KHDRBS2: variants seen among roughly 807,000 people sequenced by gnomAD.
KHDRBS2 encodes KH RNA binding domain containing, signal transduction associated 2, also known as KH domain-containing, RNA-binding, signal transduction-associated protein 2.
A neutral mutation model predicts 44.3 loss-of-function variants in KHDRBS2; 26 were observed. The observed-to-expected ratio is 0.59, with a 90% CI of 0.43 to 0.81. The LOEUF (loss-of-function observed/expected upper bound fraction) is 0.81. Among genes scored for constraint, KHDRBS2 ranks in the 40% least tolerant of loss-of-function variants. KHDRBS2 has a pLI of 0.00. For synonymous variants in KHDRBS2, 194 were observed against 151.1 expected, an observed-to-expected ratio of 1.28 and a Z score of -2.08; for missense variants, 476 against 433.1, an observed-to-expected ratio of 1.10 and a Z score of -0.88.
At chr6:62,038,785 A>G (rs1258113840) in intron 3 of KHDRBS2, among the ~76,000 whole-genome samples, 6 of 152,080 alleles carry the variant, frequency 3.9e-5, no homozygotes, top group Non-Finnish European at 8.8e-5. Context: ...TAAAATAAAC[A>G]CTTAACAGGA....
the KHDRBS2 span, among the ~76,000 whole-genome samples, chr6:61,638,905 T>C: frequency 6.6e-6 from 1 of 152,118 alleles, no homozygotes; most frequent in Non-Finnish European, 1.5e-5. Flanking sequence ...GTTGTTGTCT[T>C]AATGTGCTAC....
the KHDRBS2 span, among the ~76,000 whole-genome samples, chr6:61,555,315 C>A: frequency 6.6e-6 from 1 of 152,068 alleles, no homozygotes; most frequent in Non-Finnish European, 1.5e-5. Context: ...ATACTTGCAA[C>A]CGTATTCTGA....
At chr6:61,565,307 T>A in the KHDRBS2 span, among the ~76,000 whole-genome samples, 5 of 151,788 alleles carry the variant, frequency 3.3e-5, no homozygotes, top group South Asian at 1.0e-3. Flanking sequence ...AAAGCAAAAA[T>A]GGACAAATGG....
chr6:62,169,499 G>A (rs144630660), intron 2 of KHDRBS2, among the ~76,000 whole-genome samples: 91 of 152,092 alleles, frequency 6.0e-4, no homozygotes, highest in Non-Finnish European at 1.0e-3. Flanking sequence ...CTGACCCAAC[G>A]AGCTGATCAC....
At chr6:62,176,188 A>G (rs1821056433) in intron 2 of KHDRBS2, among the ~76,000 whole-genome samples, 1 of 151,388 alleles carries the variant, frequency 6.6e-6, no homozygotes, top group South Asian at 2.1e-4. Context: ...GAACATGATT[A>G]TAAAGCAAAT....
chr6:61,662,555 A>G, the KHDRBS2 span, among the ~76,000 whole-genome samples: 1 of 152,296 alleles, frequency 6.6e-6, no homozygotes, highest in East Asian at 1.9e-4. Context: ...TTTACAAGAA[A>G]AAAAACAAAC....
At chr6:61,559,634 T>C in the KHDRBS2 span, among the ~76,000 whole-genome samples, 649 of 152,292 alleles carry the variant, frequency 4.3e-3, 1 homozygote, top group African/African-American at 0.015. Flanking sequence ...TATAACCCAC[T>C]ATTTTAAACT....
chr6:61,719,001 C>T (rs140392900), intron 7 of KHDRBS2, among the ~76,000 whole-genome samples: 470 of 152,262 alleles, frequency 3.1e-3, no homozygotes, highest in Middle Eastern at 6.8e-3. Context: ...AGGTGTCTAT[C>T]TACATCTATA....
At chr6:61,557,688 A>G in the KHDRBS2 span, among the ~76,000 whole-genome samples, 1 of 152,146 alleles carries the variant, frequency 6.6e-6, no homozygotes, top group Non-Finnish European at 1.5e-5. Flanking sequence ...ATTTTTCTTA[A>G]TAGTGTAAGC....
At chr6:61,683,007 T>G (rs376994175) in intron 8 of KHDRBS2, among the ~76,000 whole-genome samples, 1 of 151,846 alleles carries the variant, frequency 6.6e-6, no homozygotes, top group African/African-American at 2.4e-5. Flanking sequence ...TTTATCATGG[T>G]TTTTAACAAA....
intron 6 of KHDRBS2, among the ~76,000 whole-genome samples, chr6:61,860,688 ATG>A (rs1041405603): frequency 2.6e-5 from 4 of 152,074 alleles, no homozygotes; most frequent in Non-Finnish European, 4.4e-5. Flanking sequence ...ATATGCATGC[ATG>A]TGTCTTTAAA....
At chr6:61,649,486 G>C in the KHDRBS2 span, among the ~76,000 whole-genome samples, 2 of 152,090 alleles carry the variant, frequency 1.3e-5, no homozygotes, top group Non-Finnish European at 2.9e-5. Flanking sequence ...GCCATCTTTG[G>C]CTCATTTATA....
At chr6:62,052,906 G>A (rs1357297576) in intron 2 of KHDRBS2, among the ~76,000 whole-genome samples, 2 of 151,856 alleles carry the variant, frequency 1.3e-5, no homozygotes, top group African/African-American at 4.8e-5. Context: ...CAGGGATTGG[G>A]GACCCCTGGT....
the KHDRBS2 span, among the ~76,000 whole-genome samples, chr6:61,549,023 G>A: frequency 6.6e-6 from 1 of 152,108 alleles, no homozygotes; most frequent in Non-Finnish European, 1.5e-5. Flanking sequence ...AGCATGGCAT[G>A]TAGCTTCTGG....
At chr6:61,595,671 T>C in the KHDRBS2 span, among the ~76,000 whole-genome samples, 1 of 151,986 alleles carries the variant, frequency 6.6e-6, no homozygotes, top group African/African-American at 2.4e-5. Flanking sequence ...AGCTGTTTCA[T>C]ATTTTCAGAT....
At chr6:61,551,646 C>G in the KHDRBS2 span, among the ~76,000 whole-genome samples, 1 of 152,148 alleles carries the variant, frequency 6.6e-6, no homozygotes. Context: ...TTGTTTTTGT[C>G]AGCTTTGTTG....
intron 6 of KHDRBS2, among the ~76,000 whole-genome samples, chr6:61,851,579 T>C (rs1326104347): frequency 6.6e-6 from 1 of 152,080 alleles, no homozygotes; most frequent in Non-Finnish European, 1.5e-5. Flanking sequence ...GAGAGGCAAC[T>C]AAGCTAAGGA....
chr6:62,160,828 A>C (rs1817467104), intron 2 of KHDRBS2, among the ~76,000 whole-genome samples: 1 of 152,084 alleles, frequency 6.6e-6, no homozygotes, highest in African/African-American at 2.4e-5. Context: ...AATACATATA[A>C]AATATTACTA....
chr6:61,793,784 G>A (rs1172673422), intron 6 of KHDRBS2, among the ~76,000 whole-genome samples: 1 of 152,052 alleles, frequency 6.6e-6, no homozygotes, highest in East Asian at 1.9e-4. Flanking sequence ...TAATGGTTAT[G>A]TGCAGACAGT....
Sources: allele counts gnomAD v4.1 joint callset (sites outside exome capture counted in the v4.1 genomes callset), GRCh38; gene constraint gnomAD v4.1.1; transcripts MANE v1.5; gene names NCBI Gene and HGNC (gene_info 2026-07-23, HGNC 2026-07-21).